The following NRP2 variants were observed in gnomAD, a reference collection of about 807,000 sequenced individuals.
The protein encoded by NRP2 is neuropilin-2.
A neutral mutation model predicts 110.4 loss-of-function variants in NRP2; 52 were observed. The ratio of observed to expected loss-of-function variants is 0.47; its 90% CI spans 0.38 to 0.59. The LOEUF is 0.59. NRP2 is among the 20% of genes least tolerant of loss of function. The probability of loss-of-function intolerance (pLI) is 0.00; values close to 1 mark genes in which losing one functional copy is unlikely to be tolerated. For missense variants in NRP2, 1,049 were observed against 1,203.0 expected, an observed-to-expected ratio of 0.87 and a Z score of 1.89; for synonymous variants, 508 against 468.9, an observed-to-expected ratio of 1.08 and a Z score of -1.08.
intron 2 of NRP2, among the ~76,000 whole-genome samples, chr2:205,713,621 C>G (rs756608168): frequency 7.2e-5 from 11 of 152,106 alleles, no homozygotes; most frequent in Non-Finnish European, 1.6e-4. Flanking sequence ...TAAAAAATCT[C>G]CTTTTTAAAA....
intron 3 of NRP2, among the ~76,000 whole-genome samples, chr2:205,718,044 G>T (rs2056935751): frequency 6.6e-6 from 1 of 152,174 alleles, no homozygotes; most frequent in Non-Finnish European, 1.5e-5. Flanking sequence ...GGGCTCCAGA[G>T]AATCTATTCA....
chr2:205,704,453 C>T (rs1327766450), intron 2 of NRP2, among the ~76,000 whole-genome samples: 1 of 152,152 alleles, frequency 6.6e-6, no homozygotes, highest in African/African-American at 2.4e-5. Context: ...AGCCAGTGAG[C>T]AGTAATAATT....
At chr2:205,703,291 T>C (rs1406011988) in intron 2 of NRP2, among the ~76,000 whole-genome samples, 1 of 152,232 alleles carries the variant, frequency 6.6e-6, no homozygotes, top group African/African-American at 2.4e-5. Context: ...ACCAACAAAA[T>C]GGTAATAGAC....
chr2:205,727,914 G>A lies in NRP2; in HGVS notation c.1014G>A (p.Met338Ile). Residue 338 changes from methionine (M) to isoleucine (I), a missense_variant, in exon 7 of 17, where the codon ATG (methionine) becomes ATA (isoleucine). Transcript: ENST00000357785. Reference protein sequence around the residue: ...YLQVDLRFLTMLTAIATQGAI... With the variant: ...YLQVDLRFLTILTAIATQGAI... ...AGGTGGACCTGCGCTTTTTAACCAT[G>A]CTCACGGCCATCGCAACACAGGGAG... The A allele has an allele frequency of 6.2e-7, 1 of 1,613,878 alleles. No individual in the cohort carries two copies. The highest frequency in any genetic ancestry group is 8.5e-7 in the Non-Finnish European group (1 of 1,179,936).
intron 16 of NRP2, among the ~76,000 whole-genome samples, chr2:205,793,715 T>C (rs549002383): frequency 6.6e-6 from 1 of 152,322 alleles, no homozygotes; most frequent in South Asian, 2.1e-4. Flanking sequence ...ATACCACTTT[T>C]ATCGGATAAA....
chr2:205,716,129 C>A (rs916483545), intron 2 of NRP2, 64 bp from the exon 3 acceptor site: 5 of 1,533,460 alleles, frequency 3.3e-6, no homozygotes, highest in East Asian at 4.5e-5. Flanking sequence ...TAAGTGGGAG[C>A]GACACAGTGG....
chr2:205,757,846 C>T (rs184456806), intron 12 of NRP2, among the ~76,000 whole-genome samples: 1 of 150,948 alleles, frequency 6.6e-6, no homozygotes, highest in Admixed American at 6.6e-5. Context: ...GGTAGAAAAA[C>T]ATCCCAGGCT....
In NRP2 at chr2:205,767,543, GAGA is replaced by G. The variant is rs150018034; in HGVS notation, c.2425+745_2425+747del. 3.1e-3 allele frequency: 1,172 copies of G among 374,722 alleles called. 19 individuals carry two copies. Among genetic ancestry groups the G allele is most frequent in the African/African-American group, 0.024 (1,112 of 45,684 alleles). The allele number at this position is 374,722 out of a possible 1,614,324, so 23.2% of individuals were successfully genotyped here. A position where few individuals can be genotyped will look rare whatever the true frequency, so the allele number is the denominator to read the frequency against. Reference sequence around the variant, plus strand: ...GAAAGCAGAGAGAGCAGAGCAAAGTGAGAAGAATTGGGGATGCTTGCCTCATCC... The same window carrying G: ...GAAAGCAGAGAGAGCAGAGCAAAGTGAGAATTGGGGATGCTTGCCTCATCC... On this transcript the variant is annotated intron_variant, in intron 15 of 16. Transcript: ENST00000357785.
At chr2:205,758,402 C>CA (rs2057767460) in intron 12 of NRP2, among the ~76,000 whole-genome samples, 1 of 152,178 alleles carries the variant, frequency 6.6e-6, no homozygotes, top group Non-Finnish European at 1.5e-5. Context: ...GAGGTGTAGA[C>CA]ACAACTGATT....
intron 15 of NRP2, chr2:205,776,951 T>G (rs2058110249): frequency 1.8e-6 from 2 of 1,135,164 alleles, no homozygotes; most frequent in Non-Finnish European, 1.1e-6. Flanking sequence ...AGTAGACATG[T>G]GTGTGTGTGA....
intron 10 of NRP2, among the ~76,000 whole-genome samples, chr2:205,748,089 A>G (rs1190009325): frequency 2.0e-5 from 3 of 152,020 alleles, no homozygotes; most frequent in Non-Finnish European, 4.4e-5. Context: ...CCGTTCCTCC[A>G]CTTTCATTTA....
intron 15 of NRP2, among the ~76,000 whole-genome samples, chr2:205,771,556 T>A (rs1006679367): frequency 6.6e-6 from 1 of 152,216 alleles, no homozygotes; most frequent in African/African-American, 2.4e-5. Context: ...AAAACACTTC[T>A]TCTGGAAACC....
chr2:205,767,523 C>A, intron 15 of NRP2: 1 of 437,342 alleles, frequency 2.3e-6, no homozygotes, highest in South Asian at 1.6e-5. Flanking sequence ...CCCGAGAAAG[C>A]AGAGAGAGCA....
chr2:205,762,555 C>G (rs1383325163), intron 12 of NRP2: 6 of 152,232 alleles, frequency 3.9e-5, no homozygotes, highest in Non-Finnish European at 8.8e-5. Context: ...GTTAACATGA[C>G]CTCACACTAA....
rs140796876 is a variant in NRP2, at chr2:205,749,737, C to T, written c.1799C>T (p.Thr600Met). 85 of 1,613,942 alleles carry T rather than the reference C, an allele frequency of 5.3e-5. No individual in the cohort carries two copies. In the African/African-American group the frequency reaches 7.6e-4, roughly 14 times the overall value. The change falls in exon 11 of 17, where the codon ACG (threonine) becomes ATG (methionine). Residue 600 changes from threonine to methionine, a missense_variant. Physicochemically the swap from Thr to Met is moderately conservative, Grantham distance 81 (BLOSUM62 -1). Transcript: ENST00000357785. ...LGCDWTDSKP[T>M]VETLGPTVKS... The stretch of plus-strand genomic sequence containing the variant: ...TGCCCTTACACAGACTCCAAGCCCA[C>T]GGTAGAGACGCTGGGACCCACTGTG...
Position 205,728,060 on chromosome 2 carries a change from C to T in NRP2, c.1146+14C>T, listed in dbSNP as rs2057163825. ...AAAAACCACAAGGTAAATCCATGATCCTACCTTAAAGGCACATTGGACCAG... is the reference window on the plus strand; with the variant it reads ...AAAAACCACAAGGTAAATCCATGATTCTACCTTAAAGGCACATTGGACCAG... On this transcript the variant is annotated intron_variant, in intron 7 of 16. Coordinates refer to ENST00000357785, the MANE Select transcript of NRP2 (RefSeq NM_003872.3). 2 of 1,613,936 alleles carry T rather than the reference C, an allele frequency of 1.2e-6. No individual in the cohort carries two copies. The highest frequency in any genetic ancestry group is 1.7e-5 in the Admixed American group (1 of 60,026).
rs756279695 is a variant in NRP2 at position 205,691,013 on chromosome 2, T to A, written c.74-6531T>A. Among the ~76,000 whole-genome samples the A allele has an allele frequency of 3.4e-4, 52 of 152,254 alleles. 1 individual carries two copies. The highest frequency in any genetic ancestry group is 1.9e-4 in the East Asian group (1 of 5,186). ...AAGCGCAGTAGCTGTGGCCGCAGAATAATTTCTGATAGAACTCTCAGAGTC... is the reference window on the plus strand; with the variant it reads ...AAGCGCAGTAGCTGTGGCCGCAGAAAAATTTCTGATAGAACTCTCAGAGTC... On this transcript the variant is annotated intron_variant, in intron 1 of 16. Transcript: ENST00000357785.
intron 2 of NRP2, among the ~76,000 whole-genome samples, 196 bp from the exon 3 acceptor site, chr2:205,715,997 G>C (rs1439024994): frequency 6.6e-6 from 1 of 152,236 alleles, no homozygotes. Flanking sequence ...TATTCACTCT[G>C]TGGCTTTCAC....
At chr2:205,740,860 A>G (rs1467178168) in intron 8 of NRP2, among the ~76,000 whole-genome samples, 197 bp downstream of exon 8, 3 of 152,226 alleles carry the variant, frequency 2.0e-5, no homozygotes, top group Non-Finnish European at 4.4e-5. Flanking sequence ...ATTTCTATTA[A>G]TAGCTAACAT....
Sources: allele counts gnomAD v4.1 joint callset (sites outside exome capture counted in the v4.1 genomes callset), GRCh38; gene constraint gnomAD v4.1.1; transcripts MANE v1.5; gene names NCBI Gene and HGNC (gene_info 2026-07-23, HGNC 2026-07-21).